Variants in SATL1 observed in about 807,000 individuals in gnomAD.
SATL1 encodes spermidine/spermine N1-acetyl transferase like 1.
Under a neutral mutation model 51.8 loss-of-function variants are expected in SATL1, and 47 were observed. That is an observed-to-expected ratio of 0.91 (90% CI 0.72 to 1.16). The LOEUF (loss-of-function observed/expected upper bound fraction) is 1.16, where lower values mean the gene tolerates loss of function less well. SATL1 is among the 50% of genes most tolerant of loss of function. SATL1 has a pLI of 0.00. For missense variants in SATL1, 520 were observed against 526.4 expected (o/e 0.99, Z 0.12); for synonymous variants, 176 against 182.4 (o/e 0.97, Z 0.28).
chrX:85,171,342 G>A (rs73234609), intron 2 of SATL1, among the ~76,000 whole-genome samples: 12,154 of 110,958 alleles, frequency 0.11, 565 homozygotes, highest in South Asian at 0.18. Context: ...ATTTATTTTT[G>A]TAATAGCATC....
chrX:85,103,232 T>A (rs1181698395), intron 4 of SATL1, among the ~76,000 whole-genome samples: 1 of 111,307 alleles, frequency 9.0e-6, no homozygotes, highest in Non-Finnish European at 1.9e-5. Context: ...ATCCCATAAC[T>A]TCCTTCTGAA....
Position 85,093,129 on chromosome X carries a change from ATATT to A in SATL1, c.1917+52_1917+55del, listed in dbSNP as rs71889231. On this transcript the variant is annotated intron_variant, in intron 7 of 7. Transcript: ENST00000644105. ...TAATGATTTAATTTATGCCCTGTGA[ATATT>A]TATTAAGAAAAGGTTAATGTATAGA... The A allele has an allele frequency of 0.011, 11,390 of 1,053,448 alleles. 471 individuals are homozygous for A. The African/African-American group carries it at 0.15, about 14-fold the overall frequency. 86.8% of individuals were successfully genotyped at this position (1,053,448 alleles called of 1,213,427 possible).
At chrX:85,168,738 G>A (rs1277664766) in intron 2 of SATL1, among the ~76,000 whole-genome samples, 1 of 111,498 alleles carries the variant, frequency 9.0e-6, no homozygotes. Flanking sequence ...TATCAACCTA[G>A]CAATTACTTT....
chrX:85,172,183 A>G lies in SATL1; in HGVS notation c.-313+52022T>C, dbSNP rs1252268719. 6.3e-5 allele frequency among the ~76,000 whole-genome samples: 7 copies of G among 111,644 alleles called. No individual in the cohort carries two copies. The East Asian group carries it at 2.0e-3, about 31-fold the overall frequency. On this transcript the variant is annotated intron_variant, in intron 2 of 7. Transcript: ENST00000644105. ...ACTTTTACTGGGAGAAAAAGGCAGT[A>G]TTCATGTGGATATTTACCTAAAGAG...
intron 2 of SATL1, among the ~76,000 whole-genome samples, chrX:85,132,044 G>C (rs1162292958): frequency 9.0e-6 from 1 of 110,828 alleles, no homozygotes; most frequent in Admixed American, 9.6e-5. Context: ...GCTTCCCTTT[G>C]TGGGTAACCT....
Position 85,109,230 on chromosome X carries a change from C to T in SATL1, c.-262G>A, listed in dbSNP as rs758604019. On this transcript the variant is annotated 5_prime_UTR_variant, in exon 3 of 8. Coordinates refer to ENST00000644105, the MANE Select transcript of SATL1 (RefSeq NM_001367857.2). ...GGTTTGCTGGAGTTGACTTCACCAG[C>T]GACCACAGCTGCAAGCTTGGCTGAG... is the stretch of plus-strand genomic sequence containing the variant. 60 of 379,852 alleles carry T rather than the reference C, an allele frequency of 1.6e-4. No homozygotes were observed. The highest frequency in any genetic ancestry group is 9.6e-4 in the South Asian group (18 of 18,844). 31.3% of individuals were successfully genotyped at this position (379,852 alleles called of 1,213,427 possible). A position where few individuals can be genotyped will look rare whatever the true frequency, so the allele number is the denominator to read the frequency against.
chrX:85,189,177 G>A (rs1485504366), intron 2 of SATL1, among the ~76,000 whole-genome samples: 1 of 111,523 alleles, frequency 9.0e-6, no homozygotes, highest in Non-Finnish European at 1.9e-5. Context: ...TCTACCCCTG[G>A]TTATTTTATT....
chrX:85,103,792 A>C, intron 4 of SATL1, 72 bp downstream of exon 4: 2 of 737,004 alleles, frequency 2.7e-6, no homozygotes, highest in South Asian at 2.3e-5. Context: ...ACCAAGAACA[A>C]TAGCTTCCAC....
At position 85,223,553 on chromosome X, in the gene SATL1, G is replaced by A. The variant is rs373333446; in HGVS notation, c.-313+652C>T. On this transcript the variant is annotated intron_variant, in intron 2 of 7. Coordinates refer to ENST00000644105, the MANE Select transcript of SATL1 (RefSeq NM_001367857.2). ...ATGATATTGCATCATCCGAATCCTG[G>A]ATGATGAGCCAAGATAAGAAGCCTA... Among the ~76,000 whole-genome samples, 13 of 111,090 alleles carry A rather than the reference G, an allele frequency of 1.2e-4. No homozygotes were observed. In the East Asian group the frequency reaches 3.1e-3, roughly 27 times the overall value.
At chrX:85,212,038 G>T (rs1281622968) in intron 2 of SATL1, 2 of 111,174 alleles carry the variant, frequency 1.8e-5, no homozygotes, top group Non-Finnish European at 3.8e-5. Context: ...CCTTCAGAGG[G>T]CCCTTCCCAG....
At chrX:85,129,720 G>C (rs927631938) in intron 2 of SATL1, among the ~76,000 whole-genome samples, 2 of 111,444 alleles carry the variant, frequency 1.8e-5, no homozygotes, top group African/African-American at 6.5e-5. Context: ...TCCCTCTCTT[G>C]TGCCAGTTTT....
chrX:85,133,692 G>C (rs770613124), intron 2 of SATL1, among the ~76,000 whole-genome samples: 1 of 111,686 alleles, frequency 9.0e-6, no homozygotes, highest in Admixed American at 9.5e-5. Context: ...GATGAACCAG[G>C]TACCTCATTT....
At chrX:85,143,757 A>G (rs1392189513) in intron 2 of SATL1, among the ~76,000 whole-genome samples, 2 of 111,569 alleles carry the variant, frequency 1.8e-5, no homozygotes, top group Admixed American at 1.9e-4. Context: ...TCTGAGATAA[A>G]TATGAAAAAT....
intron 2 of SATL1, among the ~76,000 whole-genome samples, chrX:85,178,904 T>A (rs1243948910): frequency 1.8e-5 from 2 of 111,593 alleles, no homozygotes; most frequent in African/African-American, 6.5e-5. Context: ...TGTCCCACAT[T>A]TCAACTTTTA....
chrX:85,146,051 C>T (rs1012270819), intron 2 of SATL1, among the ~76,000 whole-genome samples: 2 of 110,181 alleles, frequency 1.8e-5, no homozygotes, highest in Middle Eastern at 4.6e-3. Context: ...CGCCCGCCAC[C>T]ACGCCCGGCA....
chrX:85,212,908 T>G (rs1476306881), intron 2 of SATL1: 4 of 111,711 alleles, frequency 3.6e-5, no homozygotes, highest in African/African-American at 9.7e-5. Context: ...GACCTCACTA[T>G]AGCAAAATGA....
At chrX:85,222,340 A>T (rs1248793997) in intron 2 of SATL1, among the ~76,000 whole-genome samples, 1 of 111,949 alleles carries the variant, frequency 8.9e-6, no homozygotes, top group Admixed American at 9.5e-5. Context: ...TCAAGAAATC[A>T]TAACTATTAT....
chrX:85,142,304 G>A (rs1261236081), intron 2 of SATL1, among the ~76,000 whole-genome samples: 1 of 104,955 alleles, frequency 9.5e-6, no homozygotes, highest in African/African-American at 3.5e-5. Flanking sequence ...GCTGAGGCAG[G>A]AGAATGGCGT....
chrX:85,184,931 A>C (rs1248109670), intron 2 of SATL1, among the ~76,000 whole-genome samples: 3 of 111,783 alleles, frequency 2.7e-5, no homozygotes. Context: ...TATTTATTGC[A>C]ATATTCACAG....
Sources: gnomAD v4.1 joint callset for allele counts (sites outside exome capture counted in the v4.1 genomes callset) on GRCh38, gnomAD v4.1.1 for gene constraint, MANE v1.5 for transcripts, NCBI Gene and HGNC (gene_info 2026-07-23, HGNC 2026-07-21) for gene names.